AHCTF1: variants seen among roughly 807,000 people sequenced by gnomAD.
AHCTF1 encodes the protein AT-hook containing transcription factor 1.
In AHCTF1, 24 loss-of-function variants were observed where a neutral mutation model predicts 248.4. That is an observed-to-expected ratio of 0.10 (90% CI 0.07 to 0.14). The LOEUF (loss-of-function observed/expected upper bound fraction) is 0.14. AHCTF1 is among the 10% of genes least tolerant of loss of function. The pLI, the probability that AHCTF1 is intolerant of heterozygous loss-of-function variation, is 1.00. For synonymous variants in AHCTF1, 786 were observed against 929.8 expected (o/e 0.85, Z 2.81); for missense variants, 2,206 against 2,636.2 (o/e 0.84, Z 3.57).
Position 246,877,242 on chromosome 1 carries a change from C to G in AHCTF1, c.2721G>C (p.Glu907Asp). 1 of 1,613,298 alleles carries G rather than the reference C, an allele frequency of 6.2e-7. No individual in the cohort carries two copies. Among genetic ancestry groups the G allele is most frequent in the Non-Finnish European group, 8.5e-7 (1 of 1,179,758 alleles). Residue 907 changes from glutamate to aspartate, a missense_variant, in exon 22 of 36, where the codon GAG (glutamate) becomes GAC (aspartate). Transcript: ENST00000648844. ...AGACTTCATACATGTGCTTCAGTAA[C>G]TCCTCTATATTCAACCTATTGCAAT... ...RQHCNRLNIE[E>D]LLKHMYEVCQ...
At chr1:246,915,996 TTTACC>T (rs1666116764) in intron 3 of AHCTF1, 141 bp downstream of exon 3, 1 of 950,440 alleles carries the variant, frequency 1.1e-6, no homozygotes, top group Non-Finnish European at 1.5e-6. Flanking sequence ...TTCTAAACAC[TTTACC>T]TAAGAGTAAC....
intron 4 of AHCTF1, among the ~76,000 whole-genome samples, chr1:246,909,868 C>T (rs1665675913): frequency 6.6e-6 from 1 of 152,198 alleles, no homozygotes; most frequent in Non-Finnish European, 1.5e-5. Flanking sequence ...CTACTAGTAG[C>T]AAGTAGCACC....
At chr1:246,890,156 C>G (rs1420785967) in intron 16 of AHCTF1, 97 bp from the exon 17 acceptor site, 4 of 869,486 alleles carry the variant, frequency 4.6e-6, no homozygotes, top group East Asian at 2.7e-5. Flanking sequence ...TTTACAGCAA[C>G]CCCTGGTTAA....
At chr1:246,930,538 C>A (rs1354674680) in intron 1 of AHCTF1, among the ~76,000 whole-genome samples, 1 of 151,256 alleles carries the variant, frequency 6.6e-6, no homozygotes, top group African/African-American at 2.4e-5. Context: ...ACTCTAATTT[C>A]TTCTCTCCTA....
intron 1 of AHCTF1, among the ~76,000 whole-genome samples, chr1:246,922,855 C>A (rs547321311): frequency 6.6e-6 from 1 of 150,416 alleles, no homozygotes; most frequent in East Asian, 2.0e-4. Context: ...TGGTGGCAGG[C>A]GCCTGTAGTC....
At position 246,849,595 on chromosome 1, in the gene AHCTF1, T is replaced by C; in HGVS notation, c.6391+20A>G. The C allele has an allele frequency of 6.3e-7, 1 of 1,580,130 alleles. No homozygotes were observed. Among genetic ancestry groups the C allele is most frequent in the Non-Finnish European group, 8.6e-7 (1 of 1,163,728 alleles). ...AGAGTGACTGAGATGAAAAACTGTT[T>C]TGCAGAGAAAGAAAAGTACCTTTTG... On this transcript the variant is annotated intron_variant, in intron 33 of 35. Transcript: ENST00000648844.
At chr1:246,849,499 G>A in intron 33 of AHCTF1, 116 bp downstream of exon 33, 3 of 1,289,392 alleles carry the variant, frequency 2.3e-6, no homozygotes, top group Non-Finnish European at 3.2e-6. Flanking sequence ...GATCAATTTT[G>A]GTTTGAGGGG....
intron 33 of AHCTF1, among the ~76,000 whole-genome samples, chr1:246,848,906 G>A (rs1660486969): frequency 6.6e-6 from 1 of 152,074 alleles, no homozygotes; most frequent in Non-Finnish European, 1.5e-5. Flanking sequence ...CACTTTTACA[G>A]AGAGTTACTC....
At position 246,905,654 on chromosome 1, in the gene AHCTF1, A is replaced by G; in HGVS notation, c.768T>C (p.Tyr256=). 2 of 1,602,054 alleles carry G rather than the reference A, an allele frequency of 1.2e-6. No individual in the cohort carries two copies. The highest frequency in any genetic ancestry group is 8.6e-7 in the Non-Finnish European group (1 of 1,169,292). ...CTTGTCCACTTTCCAATTGTATGTAATATCTGAAACAAATTAGTATATTTC... is the reference window on the plus strand; with the variant it reads ...CTTGTCCACTTTCCAATTGTATGTAGTATCTGAAACAAATTAGTATATTTC... ...LWNMKSMKRE[Y]YIQLESGQVP... Residue 256 remains tyrosine (Y), a synonymous_variant, in exon 6 of 36, where the codon TAT becomes TAC. Transcript: ENST00000648844.
chr1:246,868,853 T>A (rs548767769), intron 24 of AHCTF1, among the ~76,000 whole-genome samples: 2 of 149,552 alleles, frequency 1.3e-5, no homozygotes, highest in Admixed American at 6.6e-5. Context: ...TTTGTTTTTT[T>A]TTTTTTTTTG....
intron 35 of AHCTF1, among the ~76,000 whole-genome samples, chr1:246,841,917 T>C (rs1436735717): frequency 2.0e-5 from 3 of 151,352 alleles, no homozygotes; most frequent in Non-Finnish European, 4.4e-5. Context: ...GCCTCCAGAG[T>C]AGCTGGGACT....
rs772044367 is a variant in AHCTF1, at chr1:246,863,987, T to C, written c.3477A>G (p.Gly1159=). ...AAGCCCTGGAGATGGCCTGAGGCGA[T>C]CCTTTTAATTGCGAACTTGAGGGCA... ...RSLPSSSQLK[G]SPQAISRASE... is the part of the protein sequence containing the mutation. The change falls in exon 27 of 36, where the codon GGA becomes GGG. Residue 1159 remains glycine, a synonymous_variant. Transcript: ENST00000648844. 6.2e-7 allele frequency: 1 copy of C among 1,614,120 alleles called. No individual in the cohort carries two copies. The highest frequency in any genetic ancestry group is 1.1e-5 in the South Asian group (1 of 91,078).
intron 30 of AHCTF1, 108 bp downstream of exon 30, chr1:246,857,583 T>C: frequency 1.7e-6 from 2 of 1,160,646 alleles, no homozygotes; most frequent in Non-Finnish European, 2.4e-6. Flanking sequence ...AAAATGGAGA[T>C]GTTAAAGATC....
chr1:246,901,120 A>G (rs1300900589), intron 8 of AHCTF1, among the ~76,000 whole-genome samples: 1 of 152,092 alleles, frequency 6.6e-6, no homozygotes. Flanking sequence ...GGGCAGATCA[A>G]TTGAGCCCAG....
intron 35 of AHCTF1, 28 bp from the exon 36 acceptor site, chr1:246,841,026 G>A: frequency 3.2e-6 from 5 of 1,565,270 alleles, no homozygotes; most frequent in Non-Finnish European, 4.3e-6. Context: ...GATCAAGTAA[G>A]AATAAACACA....
At position 246,843,867 on chromosome 1, in the gene AHCTF1, A is replaced by C. The variant is rs1660055424; in HGVS notation, c.6453T>G (p.Phe2151Leu). ...TCCTTAAAGCAGGAGGTGAGATGACAAACTGAGAAGATAAATCCGAAACTA... is the reference window on the plus strand; with the variant it reads ...TCCTTAAAGCAGGAGGTGAGATGACCAACTGAGAAGATAAATCCGAAACTA... ...KELVSDLSSQ[F>L]VISPPALRSR... is the part of the protein sequence containing the mutation. Residue 2151 changes from phenylalanine to leucine, a missense_variant, in exon 34 of 36, where the codon TTT becomes TTG. By Grantham distance (22) the Phe-to-Leu change is conservative. Coordinates refer to ENST00000648844, the MANE Select transcript of AHCTF1 (RefSeq NM_001323342.2). The C allele has an allele frequency of 1.3e-6, 2 of 1,510,512 alleles. No homozygotes were observed. Among genetic ancestry groups the C allele is most frequent in the African/African-American group, 2.8e-5 (2 of 70,764 alleles). 93.6% of individuals were successfully genotyped at this position (1,510,512 alleles called of 1,614,324 possible).
At chr1:246,895,740 A>G (rs1413782440) in intron 13 of AHCTF1, 95 bp downstream of exon 13, 4 of 1,033,228 alleles carry the variant, frequency 3.9e-6, no homozygotes, top group Non-Finnish European at 5.7e-6. Flanking sequence ...ATCTTCAATT[A>G]TATCAAAATT....
chr1:246,914,852 G>C (rs1047352582), intron 3 of AHCTF1, among the ~76,000 whole-genome samples: 2 of 152,116 alleles, frequency 1.3e-5, no homozygotes, highest in East Asian at 1.9e-4. Context: ...TGATCAATGA[G>C]TGTCCATGTT....
Position 246,900,002 on chromosome 1 carries a change from G to A in AHCTF1, c.1432+63C>T, listed in dbSNP as rs983545582. ...ACACTAAATGAATAAACTACACAAC[G>A]TATACATTTACATACTTTTGTGCAT... On this transcript the variant is annotated intron_variant, in intron 10 of 35. Coordinates refer to ENST00000648844, the MANE Select transcript of AHCTF1 (RefSeq NM_001323342.2). The A allele has an allele frequency of 5.0e-5, 73 of 1,445,552 alleles. No individual in the cohort carries two copies. In the Admixed American group the frequency reaches 6.6e-4, roughly 13 times the overall value. The allele number at this position is 1,445,552 out of a possible 1,614,324, so 89.5% of individuals were successfully genotyped here.
Sources: gnomAD v4.1 joint callset for allele counts (sites outside exome capture counted in the v4.1 genomes callset) on GRCh38, gnomAD v4.1.1 for gene constraint, MANE v1.5 for transcripts, NCBI Gene and HGNC (gene_info 2026-07-23, HGNC 2026-07-21) for gene names.